RNF212B: variants seen among roughly 807,000 people sequenced by gnomAD.
RNF212B encodes the protein ring finger protein 212B.
A neutral mutation model predicts 55.5 loss-of-function variants in RNF212B; 52 were observed. That is an observed-to-expected ratio of 0.94 (90% CI 0.75 to 1.18). The LOEUF (loss-of-function observed/expected upper bound fraction) is 1.18, where lower values mean the gene tolerates loss of function less well. Among genes scored for constraint, RNF212B ranks in the 50% most tolerant of loss-of-function variants. The pLI, the probability that RNF212B is intolerant of heterozygous loss-of-function variation, is 0.00. For synonymous variants in RNF212B, 99 were observed against 121.4 expected (o/e 0.82, Z 1.21); for missense variants, 289 against 350.4 (o/e 0.82, Z 1.40).
intron 2 of RNF212B, among the ~76,000 whole-genome samples, chr14:23,221,018 G>A (rs1401126540): frequency 6.6e-6 from 1 of 152,052 alleles, no homozygotes; most frequent in East Asian, 1.9e-4. Context: ...AACATTGAAT[G>A]TAAATGGACT....
At chr14:23,271,743 T>G (rs1886101155) in intron 14 of RNF212B, among the ~76,000 whole-genome samples, 1 of 152,174 alleles carries the variant, frequency 6.6e-6, no homozygotes, top group African/African-American at 2.4e-5. Context: ...GAAAAAAGAC[T>G]TAAAAGCTCT....
intron 2 of RNF212B, among the ~76,000 whole-genome samples, chr14:23,206,939 G>T (rs1362138739): frequency 1.4e-5 from 2 of 147,996 alleles, no homozygotes; most frequent in East Asian, 1.9e-4. Context: ...GGTCTTAGAA[G>T]AGAAAAACAA....
rs150777525 is a variant in RNF212B at position 23,196,824 on chromosome 14, C to A, written c.-2+3423C>A. On this transcript the variant is annotated intron_variant, in intron 2 of 15. Transcript: ENST00000399910. The stretch of plus-strand genomic sequence containing the variant: ...CTTAGCCTAGTTCACTGCTATTCAT[C>A]CTTCTGATTTAGCACAATTGTTACT... 3.1e-4 allele frequency among the ~76,000 whole-genome samples: 47 copies of A among 152,304 alleles called. 1 individual carries two copies. The Middle Eastern group carries it at 0.01, about 33-fold the overall frequency.
At chr14:23,264,828 T>A (rs5807215) in intron 11 of RNF212B, among the ~76,000 whole-genome samples, 157 bp downstream of exon 11, 53,441 of 151,114 alleles carry the variant, frequency 0.35, 10,737 homozygotes, top group African/African-American at 0.56. Flanking sequence ...GTTTTTTTTT[T>A]TTTTTTTGGT....
At chr14:23,267,769 T>C (rs1566442191) in intron 11 of RNF212B, among the ~76,000 whole-genome samples, 2 of 152,182 alleles carry the variant, frequency 1.3e-5, no homozygotes, top group African/African-American at 2.4e-5. Flanking sequence ...CTGATATTAG[T>C]ATAGCCACTC....
chr14:23,211,113 G>T (rs1234870929), intron 2 of RNF212B, among the ~76,000 whole-genome samples: 1 of 152,010 alleles, frequency 6.6e-6, no homozygotes, highest in Non-Finnish European at 1.5e-5. Context: ...AGCTACCTGG[G>T]AGGCTGAGGC....
At chr14:23,226,738 GTCCCC>G (rs370334113) in intron 2 of RNF212B, among the ~76,000 whole-genome samples, 7,126 of 150,896 alleles carry the variant, frequency 0.047, 216 homozygotes, top group South Asian at 0.078. Flanking sequence ...ATCTCGGCTA[GTCCCC>G]TCCCCTCCCC....
At chr14:23,228,652 A>C (rs1007873374) in intron 2 of RNF212B, among the ~76,000 whole-genome samples, 1 of 151,906 alleles carries the variant, frequency 6.6e-6, no homozygotes, top group African/African-American at 2.4e-5. Flanking sequence ...CTCTAAAAAA[A>C]CAAAAAAACA....
At chr14:23,224,981 T>C (rs1444833897) in intron 2 of RNF212B, among the ~76,000 whole-genome samples, 1 of 151,834 alleles carries the variant, frequency 6.6e-6, no homozygotes, top group African/African-American at 2.4e-5. Flanking sequence ...GACATACAAA[T>C]GGCAAACAGG....
intron 2 of RNF212B, among the ~76,000 whole-genome samples, chr14:23,215,983 T>C (rs148748661): frequency 0.013 from 1,932 of 152,306 alleles, 38 homozygotes; most frequent in African/African-American, 0.042. Context: ...TGGTGGCTCA[T>C]GCCTGTAATC....
chr14:23,262,646 C>CTT lies in RNF212B; in HGVS notation c.435-11_435-10dup, dbSNP rs55661012. On this transcript the variant is annotated intron_variant, in intron 7 of 14. Coordinates refer to ENST00000430154, the MANE Select transcript of RNF212B (RefSeq NM_001282322.3). ...CTGCCTAGAGAGATTAGAGCCGCCT[C>CTT]TTTTTTTTTCCCTTGCAGGTCAATC... The CTT allele has an allele frequency of 2.2e-4, 328 of 1,523,016 alleles. No homozygotes were observed. The highest frequency in any genetic ancestry group is 2.5e-4 in the Non-Finnish European group (287 of 1,125,888). The allele number at this position is 1,523,016 out of a possible 1,614,324, so 94.3% of individuals were successfully genotyped here.
intron 2 of RNF212B, among the ~76,000 whole-genome samples, chr14:23,211,020 C>T (rs1486376629): frequency 6.6e-6 from 1 of 151,922 alleles, no homozygotes; most frequent in Non-Finnish European, 1.5e-5. Context: ...GACTTCGAGA[C>T]CAGACTGGCC....
chr14:23,215,494 G>T (rs1880973647), intron 2 of RNF212B, among the ~76,000 whole-genome samples: 2 of 152,128 alleles, frequency 1.3e-5, no homozygotes, highest in African/African-American at 4.8e-5. Context: ...GACAGAGCAA[G>T]ACTCTGTATC....
At chr14:23,246,408 T>C (rs1397547116) in intron 4 of RNF212B, among the ~76,000 whole-genome samples, 1 of 152,142 alleles carries the variant, frequency 6.6e-6, no homozygotes, top group East Asian at 1.9e-4. Context: ...AAAGTGATAA[T>C]ACTGGGAAAA....
intron 4 of RNF212B, among the ~76,000 whole-genome samples, chr14:23,257,494 A>AT (rs1884933262): frequency 6.6e-6 from 1 of 152,214 alleles, no homozygotes; most frequent in African/African-American, 2.4e-5. Context: ...GGCAAGAGCA[A>AT]TTTGAAAATT....
rs1311689941 is a variant in RNF212B at position 23,243,263 on chromosome 14, T to C, written c.108T>C (p.Cys36=). The stretch of plus-strand genomic sequence containing the variant: ...TTTCCCTTTTCCTCCCAGAAAAATG[T>C]GCTGTTTGTGGAACTGCCTGCAAGC... ...FCKKCVTLEK[C]AVCGTACKHL... is the part of the protein sequence containing the mutation. Residue 36 remains cysteine (C), a synonymous_variant, in exon 3 of 15, where the codon TGT becomes TGC. Coordinates refer to ENST00000430154, the MANE Select transcript of RNF212B (RefSeq NM_001282322.3). 1 of 1,550,120 alleles carries C rather than the reference T, an allele frequency of 6.5e-7. No homozygotes were observed. The highest frequency in any genetic ancestry group is 1.4e-5 in the African/African-American group (1 of 72,696).
intron 4 of RNF212B, among the ~76,000 whole-genome samples, chr14:23,254,295 AAC>A (rs1281915170): frequency 8.1e-5 from 12 of 148,276 alleles, no homozygotes; most frequent in African/African-American, 3.0e-4. Context: ...TCAAAAACAA[AAC>A]AAAACAAAAC....
intron 2 of RNF212B, among the ~76,000 whole-genome samples, chr14:23,210,776 C>CAAAAAAAA (rs1160221876): frequency 0.095 from 5,751 of 60,620 alleles, 1,445 homozygotes; most frequent in African/African-American, 0.3. Context: ...GACTCTGTCT[C>CAAAAAAAA]AAAAAAAAAA....
At chr14:23,221,136 C>T (rs1461940743) in intron 2 of RNF212B, among the ~76,000 whole-genome samples, 6 of 151,704 alleles carry the variant, frequency 4.0e-5, no homozygotes, top group Non-Finnish European at 8.8e-5. Flanking sequence ...CCTATAATCC[C>T]AGCACTTTGG....
Sources: allele counts gnomAD v4.1 joint callset (sites outside exome capture counted in the v4.1 genomes callset), GRCh38; gene constraint gnomAD v4.1.1; transcripts MANE v1.5; gene names NCBI Gene and HGNC (gene_info 2026-07-23, HGNC 2026-07-21).